Variants in PTPRD observed in about 807,000 individuals in gnomAD.
The protein encoded by PTPRD is protein tyrosine phosphatase receptor type D.
PTPRD carries 34 observed loss-of-function variants against 214.5 expected under a neutral mutation model. The ratio of observed to expected loss-of-function variants is 0.16; its 90% CI spans 0.12 to 0.21. The LOEUF is 0.21. Ranked by LOEUF, PTPRD falls within the 10% of genes least tolerant of loss-of-function variation. The pLI, the probability that PTPRD is intolerant of heterozygous loss-of-function variation, is 1.00. For synonymous variants in PTPRD, 1,128 were observed against 845.7 expected (o/e 1.33, Z -5.79); for missense variants, 2,545 against 2,398.7 (o/e 1.06, Z -1.27).
chr9:9,707,738 C>T (rs185781397), intron 7 of PTPRD, among the ~76,000 whole-genome samples: 14 of 151,958 alleles, frequency 9.2e-5, no homozygotes, highest in African/African-American at 3.4e-4. Context: ...ACATCATGTA[C>T]GTTTATCTTA....
At chr9:9,130,418 C>T (rs1255299006) in intron 10 of PTPRD, among the ~76,000 whole-genome samples, 1 of 152,126 alleles carries the variant, frequency 6.6e-6, no homozygotes, top group Non-Finnish European at 1.5e-5. Flanking sequence ...CAATTTTAGA[C>T]ACCCATCTTT....
chr9:9,313,546 C>G (rs1406965591), intron 9 of PTPRD, among the ~76,000 whole-genome samples: 1 of 152,168 alleles, frequency 6.6e-6, no homozygotes, highest in Admixed American at 6.6e-5. Context: ...TTTACTTCTT[C>G]TTATACCAGT....
At chr9:8,715,075 A>C (rs2098416807) in intron 12 of PTPRD, among the ~76,000 whole-genome samples, 1 of 152,062 alleles carries the variant, frequency 6.6e-6, no homozygotes, top group Non-Finnish European at 1.5e-5. Context: ...GAAAGCTCAC[A>C]CTTCCAAGAC....
At chr9:9,212,889 G>A (rs2099949699) in intron 9 of PTPRD, among the ~76,000 whole-genome samples, 1 of 152,086 alleles carries the variant, frequency 6.6e-6, no homozygotes, top group South Asian at 2.1e-4. Flanking sequence ...TATAGTATGT[G>A]ACTTGAGGTC....
chr9:10,361,733 T>C (rs1490721525), intron 2 of PTPRD, among the ~76,000 whole-genome samples: 6 of 152,168 alleles, frequency 3.9e-5, no homozygotes, highest in Non-Finnish European at 8.8e-5. Context: ...TATTGAATAG[T>C]ATTATACTAT....
rs142839008 is a variant in PTPRD at position 9,941,038 on chromosome 9, G to A, written c.-471-2428C>T. On this transcript the variant is annotated intron_variant, in intron 4 of 45. Transcript: ENST00000381196. The stretch of plus-strand genomic sequence containing the variant: ...AAGAGTTGTCTTGGGCTACACATAA[G>A]ATACACTAACACTAATGACAGCTGA... Among the ~76,000 whole-genome samples the A allele has an allele frequency of 5.6e-3, 849 of 152,160 alleles. 6 individuals are homozygous for A. The highest frequency in any genetic ancestry group is 0.02 in the Middle Eastern group (6 of 294).
At chr9:8,649,576 T>A (rs540929614) in intron 12 of PTPRD, among the ~76,000 whole-genome samples, 1 of 152,360 alleles carries the variant, frequency 6.6e-6, no homozygotes, top group Non-Finnish European at 1.5e-5. Flanking sequence ...TGATGTTTGA[T>A]TGTATTTACT....
chr9:10,285,605 CTTTTT>C lies in PTPRD; in HGVS notation c.-545+55353_-545+55357del, dbSNP rs34225956. 4.8e-5 allele frequency among the ~76,000 whole-genome samples: 5 copies of C among 104,068 alleles called. No individual in the cohort carries two copies. The South Asian group carries it at 1.1e-3, about 23-fold the overall frequency. The allele number at this position is 104,068 out of a possible 152,430, so 68.3% of individuals were successfully genotyped here. A position where few individuals can be genotyped will look rare whatever the true frequency, so the allele number is the denominator to read the frequency against. ...GTTTCATATTATTTTGGGGTCTCATCTTTTTTTTTTTTTTTTTTTTTTTGAAACAG... is the reference window on the plus strand; with the variant it reads ...GTTTCATATTATTTTGGGGTCTCATCTTTTTTTTTTTTTTTTTTGAAACAG... On this transcript the variant is annotated intron_variant, in intron 3 of 45. Coordinates refer to ENST00000381196, the MANE Select transcript of PTPRD (RefSeq NM_002839.4).
At chr9:9,066,397 T>A (rs996423954) in intron 10 of PTPRD, among the ~76,000 whole-genome samples, 1 of 152,202 alleles carries the variant, frequency 6.6e-6, no homozygotes, top group Non-Finnish European at 1.5e-5. Context: ...TGGTAGTCTG[T>A]GTTTTTCTAA....
At chr9:8,972,890 T>C (rs2099246945) in intron 11 of PTPRD, among the ~76,000 whole-genome samples, 1 of 151,968 alleles carries the variant, frequency 6.6e-6, no homozygotes, top group Admixed American at 6.6e-5. Context: ...CCTATTCTAG[T>C]TAACTTGTTT....
intron 11 of PTPRD, among the ~76,000 whole-genome samples, chr9:8,968,644 T>C (rs533292287): frequency 3.3e-5 from 5 of 152,226 alleles, no homozygotes; most frequent in Non-Finnish European, 7.4e-5. Flanking sequence ...GGAAAAGTTA[T>C]TTAAAGGTTA....
intron 9 of PTPRD, among the ~76,000 whole-genome samples, chr9:9,204,876 T>C (rs1396375188): frequency 3.9e-5 from 6 of 152,160 alleles, no homozygotes; most frequent in Non-Finnish European, 8.8e-5. Context: ...CAAAACAATA[T>C]GCAGAACTAA....
chr9:9,394,661 T>TATCATTATCTTGTTATA (rs895030888), intron 9 of PTPRD, among the ~76,000 whole-genome samples: 1 of 152,150 alleles, frequency 6.6e-6, no homozygotes, highest in African/African-American at 2.4e-5. Context: ...CTCTTGTTAT[T>TATCATTATCTTGTTATA]ATCATTATCT....
At chr9:9,012,721 A>G (rs1210288043) in intron 11 of PTPRD, among the ~76,000 whole-genome samples, 1 of 152,128 alleles carries the variant, frequency 6.6e-6, no homozygotes, top group Non-Finnish European at 1.5e-5. Flanking sequence ...TGCCATATGT[A>G]TGTATTTTTG....
chr9:10,241,970 C>G (rs974883386), intron 3 of PTPRD, among the ~76,000 whole-genome samples: 2 of 151,806 alleles, frequency 1.3e-5, no homozygotes, highest in African/African-American at 2.4e-5. Context: ...AATGGACTGA[C>G]CTTGTTAAAA....
chr9:9,467,058 AT>A (rs1355602209), intron 8 of PTPRD, among the ~76,000 whole-genome samples: 2 of 151,902 alleles, frequency 1.3e-5, no homozygotes, highest in Admixed American at 1.3e-4. Flanking sequence ...ATATCATAGA[AT>A]TTTGGTAATG....
chr9:8,836,691 G>A lies in PTPRD; in HGVS notation c.-103-102745C>T, dbSNP rs1312461879. 2.1e-5 allele frequency among the ~76,000 whole-genome samples: 3 copies of A among 143,422 alleles called. No homozygotes were observed. The East Asian group carries it at 6.7e-4, about 32-fold the overall frequency. 94.1% of individuals were successfully genotyped at this position (143,422 alleles called of 152,430 possible). ...GGCTCACTGCAGCCTCTGCCTCCCA[G>A]GTTCAAGCGATTCTCCTGCCTCAGC... On this transcript the variant is annotated intron_variant, in intron 11 of 45. Coordinates refer to ENST00000381196, the MANE Select transcript of PTPRD (RefSeq NM_002839.4).
chr9:10,391,698 G>T (rs1408206749), intron 2 of PTPRD, among the ~76,000 whole-genome samples: 27 of 151,836 alleles, frequency 1.8e-4, no homozygotes, highest in Non-Finnish European at 1.5e-5. Flanking sequence ...TCCCCAGAAA[G>T]TTCTGTCACC....
intron 3 of PTPRD, among the ~76,000 whole-genome samples, chr9:10,261,673 C>A (rs188122448): frequency 1.3e-5 from 2 of 152,106 alleles, no homozygotes; most frequent in East Asian, 3.9e-4. Flanking sequence ...GTTTAAAAAT[C>A]CAAATCAGTT....
Sources: gnomAD v4.1 joint callset for allele counts (sites outside exome capture counted in the v4.1 genomes callset) on GRCh38, gnomAD v4.1.1 for gene constraint, MANE v1.5 for transcripts, NCBI Gene and HGNC (gene_info 2026-07-23, HGNC 2026-07-21) for gene names.